SLCO1B3: variants seen among roughly 807,000 people sequenced by gnomAD.
SLCO1B3 encodes the protein solute carrier organic anion transporter family member 1B3.
A neutral mutation model predicts 71.8 loss-of-function variants in SLCO1B3; 72 were observed. That is an observed-to-expected ratio of 1.00 (90% CI 0.83 to 1.22). The LOEUF (loss-of-function observed/expected upper bound fraction) is 1.22, where lower values mean the gene tolerates loss of function less well. SLCO1B3 is among the 50% of genes most tolerant of loss of function. The pLI, the probability that SLCO1B3 is intolerant of heterozygous loss-of-function variation, is 0.00. For missense variants in SLCO1B3, 911 were observed against 819.7 expected (o/e 1.11, Z -1.36); for synonymous variants, 298 against 278.4 (o/e 1.07, Z -0.70).
At chr12:20,866,396 T>TAAA (rs1865373899) in intron 8 of SLCO1B3, among the ~76,000 whole-genome samples, 1 of 152,132 alleles carries the variant, frequency 6.6e-6, no homozygotes, top group East Asian at 1.9e-4. Flanking sequence ...TTTTATATCA[T>TAAA]ATTGAAAATT....
intron 3 of SLCO1B3, among the ~76,000 whole-genome samples, chr12:20,840,930 G>C (rs1167790096): frequency 1.3e-5 from 2 of 152,132 alleles, no homozygotes; most frequent in Non-Finnish European, 2.9e-5. Flanking sequence ...GCTAGAATGA[G>C]AAGATTTTTC....
intron 3 of SLCO1B3, among the ~76,000 whole-genome samples, chr12:20,839,048 C>T (rs1012662568): frequency 3.3e-5 from 5 of 151,976 alleles, no homozygotes; most frequent in Non-Finnish European, 5.9e-5. Context: ...TTACACCATA[C>T]TGCTTCATGG....
intron 3 of SLCO1B3, among the ~76,000 whole-genome samples, chr12:20,833,133 T>G (rs902847706): frequency 6.6e-6 from 1 of 152,178 alleles, no homozygotes; most frequent in Non-Finnish European, 1.5e-5. Context: ...TCAAAGCTAG[T>G]GAAGTCCACG....
At chr12:20,838,104 A>G (rs1355449250) in intron 3 of SLCO1B3, among the ~76,000 whole-genome samples, 1 of 150,518 alleles carries the variant, frequency 6.6e-6, no homozygotes. Context: ...TTTTTAAATC[A>G]ATTTCCTTTT....
chr12:20,840,879 G>A (rs1046162345), intron 3 of SLCO1B3, among the ~76,000 whole-genome samples: 2 of 152,030 alleles, frequency 1.3e-5, no homozygotes, highest in African/African-American at 2.4e-5. Flanking sequence ...AAAACAAAGT[G>A]CTCTGGCCTA....
At chr12:20,878,065 T>G in intron 10 of SLCO1B3, 129 bp downstream of exon 10, 1 of 591,088 alleles carries the variant, frequency 1.7e-6, no homozygotes, top group Non-Finnish European at 2.8e-6. Flanking sequence ...TCTCAAACTT[T>G]ACAAAATTTC....
chr12:20,814,496 T>C (rs909136452), intron 2 of SLCO1B3, among the ~76,000 whole-genome samples: 6 of 152,196 alleles, frequency 3.9e-5, no homozygotes, highest in African/African-American at 1.4e-4. Context: ...TGAGGACTTT[T>C]ATTAATATAA....
intron 15 of SLCO1B3, among the ~76,000 whole-genome samples, chr12:20,909,426 G>A (rs1425466541): frequency 1.3e-5 from 2 of 151,358 alleles, no homozygotes; most frequent in Non-Finnish European, 2.9e-5. Context: ...GCCCGCCTTG[G>A]CCTCCCAAAG....
chr12:20,852,191 C>G (rs1315200568), intron 3 of SLCO1B3, among the ~76,000 whole-genome samples: 1 of 152,094 alleles, frequency 6.6e-6, no homozygotes, highest in African/African-American at 2.4e-5. Flanking sequence ...TATACAAATG[C>G]TGGCTAGGAA....
chr12:20,858,355 T>G, intron 4 of SLCO1B3, 84 bp from the exon 5 acceptor site: 1 of 919,620 alleles, frequency 1.1e-6, no homozygotes, highest in South Asian at 1.6e-5. Context: ...GTCTTGGGCA[T>G]ATTTGCATTC....
chr12:20,854,305 C>T (rs61923867), intron 3 of SLCO1B3, among the ~76,000 whole-genome samples: 1 of 151,072 alleles, frequency 6.6e-6, no homozygotes, highest in South Asian at 2.1e-4. Flanking sequence ...ATTGAAGTAT[C>T]ATTATTATTA....
At chr12:20,877,248 T>G (rs1244375621) in intron 9 of SLCO1B3, among the ~76,000 whole-genome samples, 1 of 65,768 alleles carries the variant, frequency 1.5e-5, no homozygotes, top group Admixed American at 2.0e-4. Context: ...TATTATGAAC[T>G]GTTTTTTTAA....
Position 20,887,671 on chromosome 12 carries a change from G to A in SLCO1B3, c.1682+4069G>A, listed in dbSNP as rs1450613620. On this transcript the variant is annotated intron_variant, in intron 13 of 15. Coordinates refer to ENST00000381545, the MANE Select transcript of SLCO1B3 (RefSeq NM_019844.4). ...TTTTCTCCCATTCTGTGGTTTGTCT[G>A]TATACTCTGTTGATTATTATTATTA... Among the ~76,000 whole-genome samples the A allele has an allele frequency of 2.0e-5, 3 of 150,846 alleles. No individual in the cohort carries two copies. In the East Asian group the frequency reaches 5.8e-4, roughly 29 times the overall value.
At chr12:20,908,041 T>C (rs1353113004) in intron 15 of SLCO1B3, among the ~76,000 whole-genome samples, 1 of 152,152 alleles carries the variant, frequency 6.6e-6, no homozygotes, top group African/African-American at 2.4e-5. Flanking sequence ...AAAAGGCCAC[T>C]AAAACATTGT....
intron 3 of SLCO1B3, among the ~76,000 whole-genome samples, chr12:20,843,642 G>T (rs1395674245): frequency 6.6e-6 from 1 of 152,016 alleles, no homozygotes; most frequent in Non-Finnish European, 1.5e-5. Flanking sequence ...TTAGCTGGGT[G>T]TGGTGGTGGG....
Position 20,916,498 on chromosome 12 carries a change from T to C in SLCO1B3, c.*251T>C, listed in dbSNP as rs1428197159. 3.6e-6 allele frequency: 1 copy of C among 277,470 alleles called. No individual in the cohort carries two copies. The highest frequency in any genetic ancestry group is 6.2e-5 in the East Asian group (1 of 16,030). The allele number at this position is 277,470 out of a possible 1,614,324, so 17.2% of individuals were successfully genotyped here. On this transcript the variant is annotated 3_prime_UTR_variant, in exon 16 of 16. Transcript: ENST00000381545. ...ACAATAAAAAGTAATTGTTTGGTAG[T>C]TGTAACTGCTAATAAAACCAGTGAC...
At chr12:20,860,488 C>A (rs12829162) in intron 5 of SLCO1B3, among the ~76,000 whole-genome samples, 15,880 of 152,134 alleles carry the variant, frequency 0.1, 1,116 homozygotes, top group Middle Eastern at 0.22. Flanking sequence ...TATTTTTGAG[C>A]ATCAGCGTCT....
chr12:20,875,555 C>T, intron 9 of SLCO1B3, 78 bp downstream of exon 9: 1 of 1,413,854 alleles, frequency 7.1e-7, no homozygotes, highest in South Asian at 1.3e-5. Flanking sequence ...AAAAATAAAG[C>T]ATACTCAAAT....
At chr12:20,810,877 C>T (rs967443287) in intron 1 of SLCO1B3, 113 bp downstream of exon 1, 10 of 152,130 alleles carry the variant, frequency 6.6e-5, no homozygotes, top group African/African-American at 2.2e-4. Context: ...ATTTTATGCT[C>T]TGTGTCTTCT....
Sources: gnomAD v4.1 joint callset for allele counts (sites outside exome capture counted in the v4.1 genomes callset) on GRCh38, gnomAD v4.1.1 for gene constraint, MANE v1.5 for transcripts, NCBI Gene and HGNC (gene_info 2026-07-23, HGNC 2026-07-21) for gene names.